SEZ6L: variants seen among roughly 807,000 people sequenced by gnomAD.
SEZ6L encodes seizure related 6 homolog like.
In SEZ6L, 37 loss-of-function variants were observed where a neutral mutation model predicts 106.2. The ratio of observed to expected loss-of-function variants is 0.35; its 90% CI spans 0.27 to 0.46. SEZ6L has a LOEUF of 0.46. Ranked by LOEUF, SEZ6L falls within the 20% of genes least tolerant of loss-of-function variation. SEZ6L has a pLI of 1.00. For synonymous variants in SEZ6L, 541 were observed against 570.4 expected (o/e 0.95, Z 0.73); for missense variants, 1,172 against 1,332.8 (o/e 0.88, Z 1.88).
intron 12 of SEZ6L, 165 bp downstream of exon 12, chr22:26,351,408 ATACTATAACATT>A: frequency 1.8e-6 from 1 of 556,886 alleles, no homozygotes; most frequent in Non-Finnish European, 3.1e-6. Context: ...GGGAGCACAC[ATACTATAACATT>A]TACAGTAAAT....
intron 13 of SEZ6L, among the ~76,000 whole-genome samples, chr22:26,368,753 A>AAC (rs2083903184): frequency 6.6e-6 from 1 of 151,858 alleles, no homozygotes; most frequent in African/African-American, 2.4e-5. Flanking sequence ...CCTAAAAAAA[A>AAC]AAACAATTCC....
intron 1 of SEZ6L, among the ~76,000 whole-genome samples, chr22:26,178,194 A>C (rs1036867332): frequency 6.6e-6 from 1 of 152,194 alleles, no homozygotes; most frequent in African/African-American, 2.4e-5. Context: ...AGAAGTGGAA[A>C]TCAAGCCATA....
chr22:26,234,503 G>A (rs1354437289), intron 1 of SEZ6L, among the ~76,000 whole-genome samples: 3 of 152,180 alleles, frequency 2.0e-5, no homozygotes, highest in Non-Finnish European at 4.4e-5. Context: ...CTCCTTGGGA[G>A]AACGAACGTC....
chr22:26,327,697 C>T (rs2082362965), intron 9 of SEZ6L, among the ~76,000 whole-genome samples: 1 of 152,048 alleles, frequency 6.6e-6, no homozygotes, highest in South Asian at 2.1e-4. Context: ...CACACACCCA[C>T]ACACACCACA....
intron 1 of SEZ6L, among the ~76,000 whole-genome samples, chr22:26,203,907 G>T (rs758169134): frequency 7.9e-5 from 12 of 152,138 alleles, no homozygotes; most frequent in Non-Finnish European, 1.8e-4. Flanking sequence ...GTAAGGTGAT[G>T]TTTCAACTTT....
rs2081849215 is a variant in SEZ6L at position 26,311,952 on chromosome 22, C to G, written c.1866C>G (p.Pro622=). The part of the protein sequence containing the change: ...VRDPYWNDTE[P]LCRAMCGGEL... ...ACCCATACTGGAATGACACAGAGCC[C>G]CTGTGCAGAGGTGAGCGGATCCACA... Residue 622 remains proline, a synonymous_variant, in exon 8 of 17, where the codon CCC becomes CCG. Transcript: ENST00000248933. 1.9e-6 allele frequency: 3 copies of G among 1,613,736 alleles called. No homozygotes were observed. Among genetic ancestry groups the G allele is most frequent in the Admixed American group, 1.7e-5 (1 of 60,002 alleles).
At chr22:26,228,904 G>A (rs1051088734) in intron 1 of SEZ6L, among the ~76,000 whole-genome samples, 5 of 152,182 alleles carry the variant, frequency 3.3e-5, no homozygotes, top group Non-Finnish European at 7.3e-5. Flanking sequence ...AAAGTTTAAG[G>A]TGCATCAGAG....
At position 26,353,253 on chromosome 22, in the gene SEZ6L, A is replaced by G. The variant is rs576291942; in HGVS notation, c.2599+2010A>G. Among the ~76,000 whole-genome samples, 7 of 152,342 alleles carry G rather than the reference A, an allele frequency of 4.6e-5. No homozygotes were observed. The South Asian group carries it at 1.2e-3, about 27-fold the overall frequency. On this transcript the variant is annotated intron_variant, in intron 12 of 16. Coordinates refer to ENST00000248933, the MANE Select transcript of SEZ6L (RefSeq NM_021115.5). ...TGCCCCCATTGTACAGATAATAACAATAGTTACTTATTGAATGTAAAAGAC... is the reference window on the plus strand; with the variant it reads ...TGCCCCCATTGTACAGATAATAACAGTAGTTACTTATTGAATGTAAAAGAC...
intron 1 of SEZ6L, among the ~76,000 whole-genome samples, chr22:26,200,849 C>T (rs1399481902): frequency 1.3e-5 from 2 of 152,100 alleles, no homozygotes; most frequent in African/African-American, 4.8e-5. Context: ...CTGCTTGAAC[C>T]ACGTGGATGA....
At position 26,261,060 on chromosome 22, in the gene SEZ6L, G is replaced by A. The variant is rs189163453; in HGVS notation, c.95-31346G>A. ...TGAGAATTATCTATTCATGTCCTTA[G>A]CCCACTTTTTGATGGGATTATTTGT... On this transcript the variant is annotated intron_variant, in intron 1 of 16. Coordinates refer to ENST00000248933, the MANE Select transcript of SEZ6L (RefSeq NM_021115.5). Among the ~76,000 whole-genome samples, 349 of 151,288 alleles carry A rather than the reference G, an allele frequency of 2.3e-3. 1 individual carries two copies. Among genetic ancestry groups the A allele is most frequent in the African/African-American group, 7.6e-3 (313 of 41,058 alleles).
At chr22:26,224,967 C>CAA (rs551910209) in intron 1 of SEZ6L, among the ~76,000 whole-genome samples, 2 of 149,902 alleles carry the variant, frequency 1.3e-5, no homozygotes, top group African/African-American at 4.9e-5. Flanking sequence ...GCTATTGTTA[C>CAA]AAAAAAAAAG....
At chr22:26,297,109 T>C (rs773677912) in intron 4 of SEZ6L, 29 bp downstream of exon 4, 6 of 1,530,110 alleles carry the variant, frequency 3.9e-6, no homozygotes, top group Non-Finnish European at 4.4e-6. Flanking sequence ...TGATGAAACA[T>C]AGGCGTTTGC....
At chr22:26,369,619 C>T (rs1210650556) in intron 13 of SEZ6L, among the ~76,000 whole-genome samples, 3 of 151,840 alleles carry the variant, frequency 2.0e-5, no homozygotes, top group Non-Finnish European at 2.9e-5. Flanking sequence ...GGATTACAGG[C>T]GGAGTCACTG....
In SEZ6L at chr22:26,337,685, T is replaced by G. The variant is rs964996179; in HGVS notation, c.2016-2751T>G. Among the ~76,000 whole-genome samples, 3 of 152,272 alleles carry G rather than the reference T, an allele frequency of 2.0e-5. No homozygotes were observed. The East Asian group carries it at 5.8e-4, about 29-fold the overall frequency. On this transcript the variant is annotated intron_variant, in intron 9 of 16. Coordinates refer to ENST00000248933, the MANE Select transcript of SEZ6L (RefSeq NM_021115.5). ...CAGCAGGGGTTTAGGGGCTTCAATC[T>G]GGTTAAAAACTGTCAGGGGGGTAGG...
chr22:26,180,466 G>T (rs1394619208), intron 1 of SEZ6L, among the ~76,000 whole-genome samples: 3 of 152,190 alleles, frequency 2.0e-5, no homozygotes, highest in South Asian at 2.1e-4. Context: ...TGAGTGAATG[G>T]ATGAATCAAT....
chr22:26,205,504 AC>A (rs1335939169), intron 1 of SEZ6L, among the ~76,000 whole-genome samples: 2 of 152,294 alleles, frequency 1.3e-5, no homozygotes, highest in East Asian at 3.9e-4. Context: ...TTCTAACTAC[AC>A]CATGCCTGTA....
Position 26,292,813 on chromosome 22 carries a change from G to A in SEZ6L, c.502G>A (p.Gly168Arg). Reference protein sequence around the residue: ...SSSTEKPGPPGDPDPIVASEE... With the variant: ...SSSTEKPGPPRDPDPIVASEE... ...CTCCACGGAGAAGCCTGGCCCACCG[G>A]GGGACCCGGACCCCATCGTGGCCTC... The change falls in exon 2 of 17, where the codon GGG (glycine) becomes AGG (arginine). Residue 168 changes from glycine to arginine, a missense_variant. Transcript: ENST00000248933. 6.2e-7 allele frequency: 1 copy of A among 1,613,988 alleles called. No homozygotes were observed. The highest frequency in any genetic ancestry group is 8.5e-7 in the Non-Finnish European group (1 of 1,179,900).
chr22:26,251,530 A>G (rs1346233342), intron 1 of SEZ6L, among the ~76,000 whole-genome samples: 2 of 152,180 alleles, frequency 1.3e-5, no homozygotes. Context: ...GTAAAGACTG[A>G]AGGGGAGCTG....
At chr22:26,300,113 T>C (rs759794046) in intron 5 of SEZ6L, among the ~76,000 whole-genome samples, 30 of 152,196 alleles carry the variant, frequency 2.0e-4, no homozygotes, top group Non-Finnish European at 4.3e-4. Flanking sequence ...GTTGGCCATT[T>C]GTAGATCTTC....
Sources: allele counts gnomAD v4.1 joint callset (sites outside exome capture counted in the v4.1 genomes callset), GRCh38; gene constraint gnomAD v4.1.1; transcripts MANE v1.5; gene names NCBI Gene and HGNC (gene_info 2026-07-23, HGNC 2026-07-21).